The following MPRIP variants were observed in gnomAD, a reference collection of about 807,000 sequenced individuals.
MPRIP encodes myosin phosphatase Rho interacting protein, also known as myosin phosphatase Rho-interacting protein.
MPRIP carries 59 observed loss-of-function variants against 234.9 expected under a neutral mutation model. That is an observed-to-expected ratio of 0.25 (90% CI 0.20 to 0.31). The LOEUF (loss-of-function observed/expected upper bound fraction) is 0.31, where lower values mean the gene tolerates loss of function less well. Among genes scored for constraint, MPRIP ranks in the 10% least tolerant of loss-of-function variants. MPRIP has a pLI of 1.00. For missense variants in MPRIP, 2,436 were observed against 3,071.0 expected (o/e 0.79, Z 4.89); for synonymous variants, 1,144 against 1,263.9 (o/e 0.91, Z 2.01).
intron 3 of MPRIP, among the ~76,000 whole-genome samples, chr17:17,088,361 G>A (rs1438874084): frequency 2.0e-5 from 3 of 152,168 alleles, no homozygotes; most frequent in African/African-American, 7.2e-5. Context: ...CGTACTGGGC[G>A]TCTCCCTCCC....
At chr17:17,132,167 G>A (rs1382657299) in intron 5 of MPRIP, among the ~76,000 whole-genome samples, 3 of 152,182 alleles carry the variant, frequency 2.0e-5, no homozygotes, top group African/African-American at 4.8e-5. Context: ...TGAGCAGGGC[G>A]TGGCTGACTG....
chr17:17,058,718 T>G (rs749810157), intron 1 of MPRIP, among the ~76,000 whole-genome samples: 2 of 152,242 alleles, frequency 1.3e-5, no homozygotes, highest in Non-Finnish European at 2.9e-5. Context: ...CATTTCCAGA[T>G]GGACCATATG....
Position 17,143,663 on chromosome 17 carries a change from C to A in MPRIP, c.1497C>A (p.Ser499=). Reference sequence around the variant, plus strand: ...TGGACAGGAGGTCCACGGAGCCCTCCGTGACGGTGAGCCCAGGCGCCGCGT... The same window carrying A: ...TGGACAGGAGGTCCACGGAGCCCTCAGTGACGGTGAGCCCAGGCGCCGCGT... ...KSLDRRSTEP[S]VTPDLLNFKK... is the part of the protein sequence containing the mutation. Residue 499 remains serine (S), a synonymous_variant, in exon 9 of 24, where the codon TCC becomes TCA. Coordinates refer to ENST00000651222, the MANE Select transcript of MPRIP (RefSeq NM_001364716.4). The A allele has an allele frequency of 6.3e-7, 1 of 1,598,308 alleles. No homozygotes were observed. Among genetic ancestry groups the A allele is most frequent in the Non-Finnish European group, 8.5e-7 (1 of 1,172,080 alleles).
intron 1 of MPRIP, among the ~76,000 whole-genome samples, chr17:17,059,708 C>T (rs545028996): frequency 2.0e-5 from 3 of 152,306 alleles, no homozygotes; most frequent in African/African-American, 7.2e-5. Context: ...AGAGGCTTTG[C>T]GAACTTTGCA....
chr17:17,177,227 T>A, intron 21 of MPRIP, 23 bp from the exon 22 acceptor site: 1 of 1,606,558 alleles, frequency 6.2e-7, no homozygotes, highest in East Asian at 2.2e-5. Flanking sequence ...GTAACTACCA[T>A]TCTCTGTCAT....
intron 6 of MPRIP, 106 bp from the exon 7 acceptor site, chr17:17,137,810 G>A: frequency 1.0e-6 from 1 of 963,026 alleles, no homozygotes; most frequent in Non-Finnish European, 1.5e-6. Context: ...ACGGGAGGTG[G>A]AGAAGGCCCC....
chr17:17,085,782 G>A (rs2089575940), intron 3 of MPRIP, among the ~76,000 whole-genome samples: 1 of 152,156 alleles, frequency 6.6e-6, no homozygotes, highest in South Asian at 2.1e-4. Flanking sequence ...GCATGGTGGC[G>A]GGTGCCTGTA....
At chr17:17,125,809 G>A (rs1296762847) in intron 3 of MPRIP, among the ~76,000 whole-genome samples, 3 of 152,188 alleles carry the variant, frequency 2.0e-5, no homozygotes, top group African/African-American at 7.2e-5. Context: ...TGAGAACAAG[G>A]AAATGGTGGG....
chr17:17,147,386 A>T lies in MPRIP; in HGVS notation c.1628A>T (p.Glu543Val). The T allele has an allele frequency of 6.2e-7, 1 of 1,614,020 alleles. No individual in the cohort carries two copies. Among genetic ancestry groups the T allele is most frequent in the Non-Finnish European group, 8.5e-7 (1 of 1,179,940 alleles). Reference sequence around the variant, plus strand: ...TACTACAGGGATTCAGTGGCTGAGGAGGTGAGTGTCTGGGCTTTGCCTCTG... The same window carrying T: ...TACTACAGGGATTCAGTGGCTGAGGTGGTGAGTGTCTGGGCTTTGCCTCTG... ...LRYYRDSVAE[E>V]AADLDGEIDL... Residue 543 changes from glutamate to valine, a missense_variant and splice_region_variant, in exon 11 of 24, where the codon GAG (glutamate) becomes GTG (valine). Around this residue, in one of 4 missense-constraint regions of MPRIP, gnomAD observed 1,998 missense variants for 2,520.3 expected, o/e 0.79. Transcript: ENST00000651222.
chr17:17,062,259 G>C (rs1311856852), intron 1 of MPRIP, among the ~76,000 whole-genome samples: 1 of 152,170 alleles, frequency 6.6e-6, no homozygotes, highest in Non-Finnish European at 1.5e-5. Context: ...CACTCTGCCA[G>C]GGTTATATCA....
rs376542378 is a variant in MPRIP, at chr17:17,122,688, A to T, written c.268-4014A>T. 2.0e-4 allele frequency among the ~76,000 whole-genome samples: 30 copies of T among 152,312 alleles called. 1 individual carries two copies. In the East Asian group the frequency reaches 5.0e-3, roughly 25 times the overall value. On this transcript the variant is annotated intron_variant, in intron 3 of 23. Coordinates refer to ENST00000651222, the MANE Select transcript of MPRIP (RefSeq NM_001364716.4). ...ATTTTATAGCAGGTCCTCAGTACGT[A>T]CCTGGACCTGTCTTCCAAGAGTGCT...
intron 1 of MPRIP, among the ~76,000 whole-genome samples, chr17:17,053,713 C>G (rs1414938838): frequency 2.0e-5 from 3 of 152,200 alleles, no homozygotes; most frequent in Non-Finnish European, 2.9e-5. Context: ...CAAGCTGGCC[C>G]TCAAACCTGT....
At chr17:17,093,651 G>A (rs1597792789) in intron 3 of MPRIP, among the ~76,000 whole-genome samples, 1 of 152,176 alleles carries the variant, frequency 6.6e-6, no homozygotes. Flanking sequence ...AATAGTGTAT[G>A]TACAGTAGTT....
chr17:17,136,910 C>T lies in MPRIP; in HGVS notation c.736+460C>T, dbSNP rs565837742. Among the ~76,000 whole-genome samples, 12 of 152,262 alleles carry T rather than the reference C, an allele frequency of 7.9e-5. No homozygotes were observed. The East Asian group carries it at 2.3e-3, about 29-fold the overall frequency. On this transcript the variant is annotated intron_variant, in intron 6 of 23. Transcript: ENST00000651222. ...CTGGGGAGGCAGCAGTTGGCATCCT[C>T]GTGCCCTGTCTTTTAGCACTTTGGA... is the stretch of plus-strand genomic sequence containing the variant.
intron 3 of MPRIP, among the ~76,000 whole-genome samples, chr17:17,108,379 A>C (rs193047311): frequency 6.6e-6 from 1 of 152,348 alleles, no homozygotes; most frequent in East Asian, 1.9e-4. Context: ...AGCCTCTGGC[A>C]TCAAATATAG....
intron 3 of MPRIP, among the ~76,000 whole-genome samples, chr17:17,098,085 G>A (rs1437655499): frequency 1.3e-5 from 2 of 152,146 alleles, no homozygotes; most frequent in African/African-American, 2.4e-5. Flanking sequence ...TGCCAAGAGT[G>A]GGCTGCTGGG....
At chr17:17,128,742 G>A (rs1484136099) in intron 4 of MPRIP, among the ~76,000 whole-genome samples, 3 of 152,170 alleles carry the variant, frequency 2.0e-5, no homozygotes, top group Non-Finnish European at 4.4e-5. Context: ...CTTCCCACAA[G>A]CTGGGATGCT....
At chr17:17,093,177 T>A (rs780951429) in intron 3 of MPRIP, among the ~76,000 whole-genome samples, 3 of 152,276 alleles carry the variant, frequency 2.0e-5, no homozygotes, top group Non-Finnish European at 4.4e-5. Context: ...ATCAGTCATT[T>A]GGTTGAAACA....
chr17:17,179,971 A>T (rs1567781668), intron 22 of MPRIP, 32 bp from the exon 23 acceptor site: 1 of 1,541,846 alleles, frequency 6.5e-7, no homozygotes, highest in Non-Finnish European at 8.9e-7. Flanking sequence ...AGCAAAGGTA[A>T]CAGGTCTGTT....
Sources: gnomAD v4.1 joint callset for allele counts (sites outside exome capture counted in the v4.1 genomes callset) on GRCh38, gnomAD v4.1.1 for gene constraint, gnomAD v4.1.1 regional missense constraint, MANE v1.5 for transcripts, NCBI Gene and HGNC (gene_info 2026-07-23, HGNC 2026-07-21) for gene names.